Variants in XKR4 observed in about 807,000 individuals in gnomAD.
XKR4 encodes XK-related protein 4.
A neutral mutation model predicts 53.9 loss-of-function variants in XKR4; 12 were observed. The ratio of observed to expected loss-of-function variants is 0.22; its 90% CI spans 0.14 to 0.36. The LOEUF (loss-of-function observed/expected upper bound fraction) is 0.36. Among genes scored for constraint, XKR4 ranks in the 10% least tolerant of loss-of-function variants. XKR4 has a pLI of 1.00. For missense variants in XKR4, 799 were observed against 859.5 expected (o/e 0.93, Z 0.88); for synonymous variants, 354 against 362.4 (o/e 0.98, Z 0.26).
intron 2 of XKR4, among the ~76,000 whole-genome samples, chr8:55,519,063 G>C (rs182338621): frequency 6.6e-6 from 1 of 152,194 alleles, no homozygotes; most frequent in African/African-American, 2.4e-5. Flanking sequence ...AGTTCGCTTT[G>C]GAGAAGGACA....
At chr8:55,315,396 T>C (rs1819458512) in intron 1 of XKR4, among the ~76,000 whole-genome samples, 1 of 152,142 alleles carries the variant, frequency 6.6e-6, no homozygotes, top group African/African-American at 2.4e-5. Flanking sequence ...TATTGCAAAA[T>C]AAGTAAATAA....
chr8:55,137,046 T>C (rs1816640197), intron 1 of XKR4, among the ~76,000 whole-genome samples: 1 of 152,206 alleles, frequency 6.6e-6, no homozygotes, highest in South Asian at 2.1e-4. Flanking sequence ...CCGATAATGT[T>C]AGACATTTCT....
At chr8:55,152,791 G>A (rs1038351224) in intron 1 of XKR4, among the ~76,000 whole-genome samples, 2 of 152,282 alleles carry the variant, frequency 1.3e-5, no homozygotes, top group African/African-American at 2.4e-5. Flanking sequence ...ATGACATAAC[G>A]TTTTGGACTG....
At chr8:55,140,139 A>T (rs922856433) in intron 1 of XKR4, 1 of 432,158 alleles carries the variant, frequency 2.3e-6, no homozygotes, top group Non-Finnish European at 4.6e-6. Flanking sequence ...ATTCTCCCTC[A>T]GTTATTCCTG....
intron 1 of XKR4, among the ~76,000 whole-genome samples, chr8:55,312,439 A>G (rs191245047): frequency 6.6e-6 from 1 of 152,336 alleles, no homozygotes; most frequent in East Asian, 1.9e-4. Context: ...ATAAGAAGGC[A>G]TATTTAAGAA....
chr8:55,431,278 G>C (rs2129393583), intron 2 of XKR4, among the ~76,000 whole-genome samples: 1 of 152,302 alleles, frequency 6.6e-6, no homozygotes, highest in South Asian at 2.1e-4. Context: ...TATGTATAGA[G>C]AGAAGCTTTT....
rs1807037292 is a variant in XKR4 at position 55,536,742 on chromosome 8, C to T, written c.*12515C>T. ...TTAATTTTTATTTACTTTCAGCAAA[C>T]ACATGAATGAAAGAGGTCAGGTAGG... On this transcript the variant is annotated 3_prime_UTR_variant, in exon 3 of 3. Coordinates refer to ENST00000327381, the MANE Select transcript of XKR4 (RefSeq NM_052898.2). The T allele has an allele frequency of 6.6e-6, 1 of 152,226 alleles. No individual in the cohort carries two copies. Among genetic ancestry groups the T allele is most frequent in the Non-Finnish European group, 1.5e-5 (1 of 68,036 alleles). The allele number at this position is 152,226 out of a possible 1,614,324, so 9.4% of individuals were successfully genotyped here.
At chr8:55,485,762 TG>T (rs1255248624) in intron 2 of XKR4, among the ~76,000 whole-genome samples, 5 of 152,080 alleles carry the variant, frequency 3.3e-5, no homozygotes, top group Non-Finnish European at 2.9e-5. Context: ...TTCTCTCCAT[TG>T]GGGTGGTCAG....
chr8:55,497,089 T>C (rs1162447927), intron 2 of XKR4, among the ~76,000 whole-genome samples: 2 of 152,202 alleles, frequency 1.3e-5, no homozygotes, highest in Non-Finnish European at 2.9e-5. Flanking sequence ...CTTTCGTCCA[T>C]GAAAATGTCT....
At chr8:55,342,378 G>A (rs1284593170) in intron 1 of XKR4, among the ~76,000 whole-genome samples, 2 of 151,978 alleles carry the variant, frequency 1.3e-5, no homozygotes, top group African/African-American at 2.4e-5. Flanking sequence ...CTCTACACTC[G>A]CTCCCCTTCA....
At chr8:55,434,427 G>GTGTGTGTGTGTGTGTGTGTGTGTGTT (rs559898107) in intron 2 of XKR4, among the ~76,000 whole-genome samples, 4 of 151,888 alleles carry the variant, frequency 2.6e-5, no homozygotes, top group African/African-American at 9.7e-5. Flanking sequence ...GTGTGTGTGT[G>GTGTGTGTGTGTGTGTGTGTGTGTGTT]TGTGTGTGTG....
intron 2 of XKR4, among the ~76,000 whole-genome samples, chr8:55,459,857 T>G (rs894673939): frequency 1.3e-5 from 2 of 151,994 alleles, no homozygotes; most frequent in Non-Finnish European, 2.9e-5. Flanking sequence ...TAGAAAACAG[T>G]TTGATGGGGT....
At chr8:55,329,913 A>G (rs1356734206) in intron 1 of XKR4, among the ~76,000 whole-genome samples, 2 of 152,040 alleles carry the variant, frequency 1.3e-5, no homozygotes, top group African/African-American at 4.8e-5. Context: ...TGAGTCTACC[A>G]CTCTCTTGTT....
At chr8:55,197,337 C>T (rs1048824722) in intron 1 of XKR4, among the ~76,000 whole-genome samples, 9 of 152,118 alleles carry the variant, frequency 5.9e-5, no homozygotes, top group African/African-American at 1.9e-4. Flanking sequence ...TAGTAGGATG[C>T]GTCCTTAACC....
Position 55,461,456 on chromosome 8 carries a change from C to T in XKR4, c.1007-61825C>T, listed in dbSNP as rs547691132. On this transcript the variant is annotated intron_variant, in intron 2 of 2. Transcript: ENST00000327381. ...AACTAACAAACAGAAAGGACATCCACACCAAAAACCCAACTGTACATCACT... is the reference window on the plus strand; with the variant it reads ...AACTAACAAACAGAAAGGACATCCATACCAAAAACCCAACTGTACATCACT... 2.0e-5 allele frequency among the ~76,000 whole-genome samples: 3 copies of T among 152,318 alleles called. No homozygotes were observed. In the South Asian group the frequency reaches 6.2e-4, roughly 32 times the overall value.
intron 1 of XKR4, among the ~76,000 whole-genome samples, chr8:55,213,837 C>T (rs1335493152): frequency 2.2e-4 from 30 of 137,118 alleles, no homozygotes; most frequent in Non-Finnish European, 7.8e-5. Flanking sequence ...ACTATTAATA[C>T]TTCTTTTTTT....
chr8:55,241,077 T>A lies in XKR4; in HGVS notation c.807-116601T>A, dbSNP rs540275524. 2.6e-4 allele frequency among the ~76,000 whole-genome samples: 40 copies of A among 152,308 alleles called. No homozygotes were observed. The South Asian group carries it at 8.3e-3, about 32-fold the overall frequency. On this transcript the variant is annotated intron_variant, in intron 1 of 2. Transcript: ENST00000327381. ...AAACTTTCTGTGCTCACATCTACTT[T>A]AAAAAAAGAAACCTTCAAAACTAGT...
At chr8:55,200,226 C>T (rs968872043) in intron 1 of XKR4, among the ~76,000 whole-genome samples, 1 of 152,154 alleles carries the variant, frequency 6.6e-6, no homozygotes, top group Non-Finnish European at 1.5e-5. Flanking sequence ...CACCACAACG[C>T]CCAGCTAATT....
intron 1 of XKR4, among the ~76,000 whole-genome samples, chr8:55,329,906 G>A (rs1311829947): frequency 2.0e-5 from 3 of 152,150 alleles, no homozygotes; most frequent in African/African-American, 4.8e-5. Flanking sequence ...TTAAATATGA[G>A]TCTACCACTC....
Sources: allele counts gnomAD v4.1 joint callset (sites outside exome capture counted in the v4.1 genomes callset), GRCh38; gene constraint gnomAD v4.1.1; transcripts MANE v1.5; gene names NCBI Gene and HGNC (gene_info 2026-07-23, HGNC 2026-07-21).